The following CEP128 variants were observed in gnomAD, a reference collection of about 807,000 sequenced individuals.
CEP128 encodes the protein centrosomal protein 128.
CEP128 carries 132 observed loss-of-function variants against 156.7 expected under a neutral mutation model. The ratio of observed to expected loss-of-function variants is 0.84; its 90% CI spans 0.73 to 0.97. CEP128 has a LOEUF of 0.97. CEP128 is among the 50% of genes least tolerant of loss of function. CEP128 has a pLI of 0.00. For synonymous variants in CEP128, 469 were observed against 448.9 expected (o/e 1.04, Z -0.57); for missense variants, 1,252 against 1,281.9 (o/e 0.98, Z 0.36).
intron 19 of CEP128, among the ~76,000 whole-genome samples, chr14:80,715,568 G>A (rs890643211): frequency 2.0e-5 from 3 of 152,142 alleles, no homozygotes; most frequent in Non-Finnish European, 2.9e-5. Context: ...GAGGTGACAC[G>A]GAAGCCAAGA....
chr14:80,830,282 T>C (rs1474673226), intron 13 of CEP128: 2 of 599,804 alleles, frequency 3.3e-6, no homozygotes, highest in South Asian at 4.2e-5. Flanking sequence ...TCTATTGATG[T>C]GCTGACAAGA....
chr14:80,495,079 G>A (rs1243625075), downstream of CEP128, among the ~76,000 whole-genome samples: 1 of 152,106 alleles, frequency 6.6e-6, no homozygotes, highest in Admixed American at 6.6e-5. Flanking sequence ...AACCAAAAAG[G>A]TCAACCTTCA....
intron 4 of CEP128, among the ~76,000 whole-genome samples, chr14:80,910,735 T>TC (rs1884159818): frequency 6.6e-6 from 1 of 151,954 alleles, no homozygotes. Context: ...ACATGCTTTT[T>TC]CTGACTTAAG....
intron 3 of CEP128, among the ~76,000 whole-genome samples, chr14:80,915,181 AT>A (rs34851909): frequency 0.16 from 23,546 of 148,258 alleles, 2,275 homozygotes; most frequent in East Asian, 0.43. Context: ...GCCCAGCTAA[AT>A]TTTTTTTTTT....
chr14:80,659,810 A>G (rs1895322477), intron 19 of CEP128, among the ~76,000 whole-genome samples: 1 of 152,154 alleles, frequency 6.6e-6, no homozygotes. Flanking sequence ...GATGACACTC[A>G]ATTTCCAAGT....
chr14:80,818,868 T>G (rs1270126609), intron 13 of CEP128, among the ~76,000 whole-genome samples: 1 of 152,260 alleles, frequency 6.6e-6, no homozygotes, highest in African/African-American at 2.4e-5. Flanking sequence ...TCAGCTACTT[T>G]GTCTTCTGAG....
In CEP128 at chr14:80,530,892, A is replaced by G. The variant is rs770905889; in HGVS notation, c.2881-6T>C. On this transcript the variant is annotated splice_region_variant and splice_polypyrimidine_tract_variant and intron_variant, in intron 21 of 24. Transcript: ENST00000555265. ...TCCAAGGCCACTTGGGTACTCTGAA[A>G]TAGAAAACATAAGGAAACCAAACAT... is the stretch of plus-strand genomic sequence containing the variant. 4 of 1,585,468 alleles carry G rather than the reference A, an allele frequency of 2.5e-6. No individual in the cohort carries two copies. In the South Asian group the frequency reaches 4.6e-5, roughly 18 times the overall value.
At chr14:80,486,586 A>T (rs1178257290), downstream of CEP128, among the ~76,000 whole-genome samples, 2 of 152,138 alleles carry the variant, frequency 1.3e-5, no homozygotes, top group South Asian at 4.2e-4. Context: ...CCAAAGTTGA[A>T]ATGAAGGAAA....
chr14:80,877,136 A>T (rs985367165), intron 8 of CEP128, among the ~76,000 whole-genome samples: 1 of 152,202 alleles, frequency 6.6e-6, no homozygotes, highest in Non-Finnish European at 1.5e-5. Context: ...TTTTAAAGAC[A>T]TATGTTGTAA....
At chr14:80,506,718 C>G (rs182050873) in intron 23 of CEP128, among the ~76,000 whole-genome samples, 7 of 152,140 alleles carry the variant, frequency 4.6e-5, no homozygotes, top group Admixed American at 2.0e-4. Context: ...ATACAATGTA[C>G]GTAAGTGCAA....
At chr14:80,614,880 C>T (rs1893147456) in intron 19 of CEP128, among the ~76,000 whole-genome samples, 1 of 152,102 alleles carries the variant, frequency 6.6e-6, no homozygotes, top group African/African-American at 2.4e-5. Context: ...CAGGTCAGAC[C>T]ACATCTTCTT....
intron 2 of CEP128, chr14:80,955,806 G>A: frequency 6.2e-7 from 1 of 1,614,208 alleles, no homozygotes; most frequent in South Asian, 1.1e-5. Context: ...TCACCTGCAA[G>A]GATATTCAAC....
chr14:80,601,846 A>C (rs1286454435), intron 19 of CEP128, among the ~76,000 whole-genome samples: 1 of 147,592 alleles, frequency 6.8e-6, no homozygotes, highest in African/African-American at 2.6e-5. Flanking sequence ...TATGCAGTCC[A>C]TCATTAACCA....
At chr14:80,686,975 C>A (rs1030027792) in intron 19 of CEP128, among the ~76,000 whole-genome samples, 1 of 152,122 alleles carries the variant, frequency 6.6e-6, no homozygotes, top group African/African-American at 2.4e-5. Flanking sequence ...AACTTAGACT[C>A]CAACACAATA....
intron 13 of CEP128, among the ~76,000 whole-genome samples, chr14:80,817,521 TA>T (rs1884930452): frequency 7.9e-5 from 12 of 152,122 alleles, no homozygotes; most frequent in Admixed American, 7.9e-4. Flanking sequence ...GCAATATCAG[TA>T]AAGAGATGGA....
intron 19 of CEP128, among the ~76,000 whole-genome samples, chr14:80,737,923 A>G (rs1291209044): frequency 6.6e-6 from 1 of 152,188 alleles, no homozygotes; most frequent in Non-Finnish European, 1.5e-5. Flanking sequence ...TCAATTTTAA[A>G]AAATTAACCA....
chr14:80,599,255 C>G (rs1477683840), intron 19 of CEP128, among the ~76,000 whole-genome samples: 1 of 148,842 alleles, frequency 6.7e-6, no homozygotes, highest in Non-Finnish European at 1.5e-5. Flanking sequence ...CCCTAGTACA[C>G]AGTCATATTC....
intron 19 of CEP128, among the ~76,000 whole-genome samples, chr14:80,608,378 T>C (rs1356964509): frequency 6.6e-6 from 1 of 152,228 alleles, no homozygotes; most frequent in African/African-American, 2.4e-5. Flanking sequence ...AATAAATGAC[T>C]CAAATTCTAT....
intron 19 of CEP128, among the ~76,000 whole-genome samples, chr14:80,703,953 A>C (rs564416094): frequency 6.4e-4 from 97 of 152,190 alleles, no homozygotes; most frequent in African/African-American, 2.2e-3. Flanking sequence ...TTTTTCTTTA[A>C]AATAAAAGAG....
Sources: gnomAD v4.1 joint callset for allele counts (sites outside exome capture counted in the v4.1 genomes callset) on GRCh38, gnomAD v4.1.1 for gene constraint, MANE v1.5 for transcripts, NCBI Gene and HGNC (gene_info 2026-07-23, HGNC 2026-07-21) for gene names.